The following SPATA24 variants were observed in gnomAD, a reference collection of about 807,000 sequenced individuals.
SPATA24 encodes the protein spermatogenesis associated 24, also known as spermatogenesis-associated protein 24.
A neutral mutation model predicts 28.9 loss-of-function variants in SPATA24; 21 were observed. The ratio of observed to expected loss-of-function variants is 0.73; its 90% CI spans 0.52 to 1.05. The LOEUF (loss-of-function observed/expected upper bound fraction) is 1.05, where lower values mean the gene tolerates loss of function less well. SPATA24 is among the 50% of genes least tolerant of loss of function. SPATA24 has a pLI of 0.00. For missense variants in SPATA24, 215 were observed against 242.9 expected (o/e 0.88, Z 0.76); for synonymous variants, 76 against 89.9 (o/e 0.85, Z 0.88).
chr5:139,397,420 C>T (rs1378526153), intron 4 of SPATA24, among the ~76,000 whole-genome samples: 1 of 152,094 alleles, frequency 6.6e-6, no homozygotes, highest in Non-Finnish European at 1.5e-5. Context: ...GCAGGCCTGA[C>T]CAAAGGCTGG....
downstream of SPATA24, chr5:139,392,971 G>C: frequency 6.6e-7 from 1 of 1,504,540 alleles, no homozygotes; most frequent in Non-Finnish European, 8.9e-7. The surrounding 1 kb of genome is among the most constrained non-coding windows in gnomAD (Gnocchi z 5.8). Context: ...CCGGGCGACC[G>C]TGTCGAAGGA....
chr5:139,393,190 A>G, downstream of SPATA24: 1 of 1,549,640 alleles, frequency 6.5e-7, no homozygotes, highest in Non-Finnish European at 8.7e-7. Flanking sequence ...CGTGGTCTTC[A>G]CCAACTTGCG....
downstream of SPATA24, chr5:139,394,551 C>T (rs897382811): frequency 2.7e-6 from 4 of 1,498,872 alleles, no homozygotes; most frequent in Admixed American, 2.2e-5. Context: ...CAGGACTTGG[C>T]CCACGGGGCC....
rs575218339 is a variant in SPATA24 at position 139,402,360 on chromosome 5, G to A, written c.183+268C>T. ...CTCCCAAGTAGCTGGGATTACAGGC[G>A]CCTGCCACCACGCATGCTTGGCTAA... is the stretch of plus-strand genomic sequence containing the variant. On this transcript the variant is annotated intron_variant, in intron 2 of 5. Coordinates refer to ENST00000450845, the MANE Select transcript of SPATA24 (RefSeq NM_194296.2). Among the ~76,000 whole-genome samples the A allele has an allele frequency of 8.6e-5, 13 of 151,520 alleles. 1 individual carries two copies. Among genetic ancestry groups the A allele is most frequent in the African/African-American group, 1.7e-4 (7 of 41,274 alleles).
chr5:139,402,377 C>T (rs1290944047), intron 2 of SPATA24, among the ~76,000 whole-genome samples: 1 of 151,062 alleles, frequency 6.6e-6, no homozygotes, highest in Non-Finnish European at 1.5e-5. Flanking sequence ...ACCACGCATG[C>T]TTGGCTAATA....
downstream of SPATA24, chr5:139,396,099 A>G (rs1220781099): frequency 2.3e-6 from 2 of 874,612 alleles, no homozygotes; most frequent in African/African-American, 3.6e-5. Flanking sequence ...CTGGAGCAAG[A>G]GCACTGCCCC....
intron 4 of SPATA24, among the ~76,000 whole-genome samples, chr5:139,399,559 C>T (rs888816372): frequency 6.6e-6 from 1 of 152,070 alleles, no homozygotes; most frequent in African/African-American, 2.4e-5. Flanking sequence ...TTGTGAAGTT[C>T]GTTTGGGAAA....
chr5:139,402,414 T>G (rs963900960), intron 2 of SPATA24, among the ~76,000 whole-genome samples: 25 of 151,558 alleles, frequency 1.6e-4, no homozygotes, highest in African/African-American at 6.1e-4. Flanking sequence ...TATATTTTTT[T>G]GTATTTTTAG....
intron 4 of SPATA24, among the ~76,000 whole-genome samples, chr5:139,400,507 C>T (rs868865449): frequency 1.8e-4 from 27 of 151,922 alleles, no homozygotes; most frequent in African/African-American, 7.3e-5. Context: ...GGGGTTTCAC[C>T]ATGTTGGCCA....
At chr5:139,402,601 T>C in intron 2 of SPATA24, 27 bp downstream of exon 2, 6 of 1,546,732 alleles carry the variant, frequency 3.9e-6, no homozygotes, top group Non-Finnish European at 5.3e-6. Context: ...GGGGGAAGAT[T>C]AGGAGACCGC....
At chr5:139,394,119 G>C, downstream of SPATA24, 1 of 1,547,968 alleles carries the variant, frequency 6.5e-7, no homozygotes, top group Non-Finnish European at 8.7e-7. Context: ...GCCGAATCGC[G>C]CGCTCGCGGA....
At chr5:139,394,191 A>G, downstream of SPATA24, 4 of 1,547,470 alleles carry the variant, frequency 2.6e-6, no homozygotes, top group Non-Finnish European at 3.5e-6. Flanking sequence ...GAAGTGGCCG[A>G]GACTTAGCCT....
At position 139,396,794 on chromosome 5, in the gene SPATA24, G is replaced by A. The variant is rs538359682; in HGVS notation, c.*6C>T. 1.9e-6 allele frequency: 3 copies of A among 1,551,748 alleles called. No individual in the cohort carries two copies. Among genetic ancestry groups the A allele is most frequent in the Admixed American group, 3.9e-5 (2 of 51,008 alleles). On this transcript the variant is annotated 3_prime_UTR_variant, in exon 6 of 6. Transcript: ENST00000450845. ...ACAGCCAGAGAACAGGAAAGCGGCG[G>A]CCATTTTATTTTTCCCTGGGATGCT... is the stretch of plus-strand genomic sequence containing the variant.
chr5:139,394,645 G>C, downstream of SPATA24: 5 of 1,534,752 alleles, frequency 3.3e-6, no homozygotes, highest in Non-Finnish European at 4.4e-6. Context: ...CGCTGGCCCC[G>C]GCGGCAAGGG....
In SPATA24 at chr5:139,402,610, G is replaced by A. The variant is rs371379464; in HGVS notation, c.183+18C>T. 40 of 1,549,290 alleles carry A rather than the reference G, an allele frequency of 2.6e-5. No individual in the cohort carries two copies. The highest frequency in any genetic ancestry group is 1.2e-4 in the African/African-American group (9 of 72,942). On this transcript the variant is annotated intron_variant, in intron 2 of 5. Coordinates refer to ENST00000450845, the MANE Select transcript of SPATA24 (RefSeq NM_194296.2). ...GGAAACGGGGGAAGATTAGGAGACC[G>A]CAGAGGCCATTACTTACCACCAGCT...
At chr5:139,393,551 T>C (rs1435975399), downstream of SPATA24, 6 of 1,551,036 alleles carry the variant, frequency 3.9e-6, no homozygotes, top group African/African-American at 2.7e-5. Flanking sequence ...CAAGTTCCAA[T>C]AGGACGATCT....
intron 1 of SPATA24, 37 bp downstream of exon 1, chr5:139,403,907 C>T (rs1333490030): frequency 6.6e-7 from 1 of 1,518,738 alleles, no homozygotes; most frequent in Non-Finnish European, 8.9e-7. Context: ...GTGAGGCATC[C>T]GGCCCCGCCT....
chr5:139,395,231 A>G, downstream of SPATA24: 1 of 739,552 alleles, frequency 1.4e-6, no homozygotes, highest in Non-Finnish European at 2.0e-6. Flanking sequence ...CGGCAGCAGA[A>G]AAGACCTGGG....
intron 4 of SPATA24, among the ~76,000 whole-genome samples, chr5:139,398,095 T>A (rs1403088891): frequency 6.6e-6 from 1 of 152,206 alleles, no homozygotes; most frequent in Non-Finnish European, 1.5e-5. Flanking sequence ...AGTTCAGTCA[T>A]CCCAGTCCAA....
Sources: gnomAD v4.1 joint callset for allele counts (sites outside exome capture counted in the v4.1 genomes callset) on GRCh38, gnomAD v4.1.1 for gene constraint, Gnocchi (gnomAD v3.1) non-coding constraint, MANE v1.5 for transcripts, NCBI Gene and HGNC (gene_info 2026-07-23, HGNC 2026-07-21) for gene names.